ZNF81: variants seen among roughly 807,000 people sequenced by gnomAD.
The protein encoded by ZNF81 is zinc finger protein 81, also known as zinc finger protein 81 (HFZ20).
Under a neutral mutation model 32.3 loss-of-function variants are expected in ZNF81, and 5 were observed. That is an observed-to-expected ratio of 0.15 (90% CI 0.08 to 0.33). The LOEUF is 0.33. Ranked by LOEUF, ZNF81 falls within the 10% of genes least tolerant of loss-of-function variation. The pLI, the probability that ZNF81 is intolerant of heterozygous loss-of-function variation, is 1.00. For synonymous variants in ZNF81, 163 were observed against 166.8 expected, an observed-to-expected ratio of 0.98 and a Z score of 0.17; for missense variants, 379 against 479.8, an observed-to-expected ratio of 0.79 and a Z score of 1.96.
chrX:47,838,822 T>C (rs1344751877), intron 1 of ZNF81, among the ~76,000 whole-genome samples: 2 of 112,155 alleles, frequency 1.8e-5, no homozygotes, highest in South Asian at 7.4e-4. Flanking sequence ...GCTCTCACTC[T>C]GTTCCTCAGG....
chrX:47,911,810 T>A (rs1369446048), intron 4 of ZNF81, among the ~76,000 whole-genome samples: 2 of 111,910 alleles, frequency 1.8e-5, no homozygotes, highest in Non-Finnish European at 3.8e-5. Flanking sequence ...GCAATATAAT[T>A]AGATTAGTTT....
intron 2 of ZNF81, 66 bp downstream of exon 2, chrX:47,846,387 C>A: frequency 8.8e-7 from 1 of 1,135,141 alleles, no homozygotes; most frequent in East Asian, 3.1e-5. Flanking sequence ...AAGATACTAC[C>A]TCATAGTTTT....
intron 2 of ZNF81, among the ~76,000 whole-genome samples, chrX:47,847,213 AG>A (rs1396617449): frequency 3.6e-5 from 4 of 111,719 alleles, no homozygotes; most frequent in Non-Finnish European, 7.5e-5. Flanking sequence ...CTCATGAAGT[AG>A]GTGCCATTAT....
intron 4 of ZNF81, among the ~76,000 whole-genome samples, chrX:47,910,041 C>T (rs1456664791): frequency 1.8e-5 from 2 of 111,194 alleles, no homozygotes; most frequent in African/African-American, 6.6e-5. Context: ...CAAGTCTTTG[C>T]TATTGTGAAT....
chrX:47,882,766 G>A (rs979977957), intron 2 of ZNF81, among the ~76,000 whole-genome samples: 41 of 112,796 alleles, frequency 3.6e-4, no homozygotes, highest in African/African-American at 1.2e-3. Flanking sequence ...TGAGGTGGGC[G>A]GATCACTTGA....
Position 47,917,262 on chromosome X carries a change from A to G in ZNF81, c.*630A>G, listed in dbSNP as rs782306405. The G allele has an allele frequency of 4.1e-4, 120 of 295,830 alleles. No individual in the cohort carries two copies. In the East Asian group the frequency reaches 5.7e-3, roughly 14 times the overall value. 24.4% of individuals were successfully genotyped at this position (295,830 alleles called of 1,213,427 possible). A position where few individuals can be genotyped will look rare whatever the true frequency, so the allele number is the denominator to read the frequency against. On this transcript the variant is annotated 3_prime_UTR_variant, in exon 5 of 5. Coordinates refer to ENST00000338637, the MANE Select transcript of ZNF81 (RefSeq NM_007137.5). ...AAAGTCACTTTGGTTTTATATATACACACATCTGCAGATATAATTTTATAA... is the reference window on the plus strand; with the variant it reads ...AAAGTCACTTTGGTTTTATATATACGCACATCTGCAGATATAATTTTATAA...
intron 1 of ZNF81, among the ~76,000 whole-genome samples, chrX:47,837,217 A>G: frequency 9.0e-6 from 1 of 111,543 alleles, no homozygotes; most frequent in East Asian, 2.8e-4. Flanking sequence ...GAGTTATTCA[A>G]AAGTGGGGTT....
intron 2 of ZNF81, among the ~76,000 whole-genome samples, chrX:47,880,429 G>A (rs1215347442): frequency 8.9e-6 from 1 of 111,853 alleles, no homozygotes; most frequent in Non-Finnish European, 1.9e-5. Context: ...GCCCAGGCTG[G>A]TCTCAAATGC....
chrX:47,884,593 C>T (rs1019743499), intron 2 of ZNF81, among the ~76,000 whole-genome samples: 1 of 111,849 alleles, frequency 8.9e-6, no homozygotes, highest in Non-Finnish European at 1.9e-5. Flanking sequence ...GAGTGATTTG[C>T]TATGCATCAA....
In ZNF81 at chrX:47,874,922, G is replaced by A. The variant is rs141271065; in HGVS notation, c.55-13077G>A. 2.6e-3 allele frequency among the ~76,000 whole-genome samples: 295 copies of A among 111,677 alleles called. 1 individual carries two copies. The highest frequency in any genetic ancestry group is 8.8e-3 in the African/African-American group (269 of 30,660). On this transcript the variant is annotated intron_variant, in intron 2 of 4. Transcript: ENST00000338637. Reference sequence around the variant, plus strand: ...CTGTTGGAGGTGCAATCTAGGCTAAGCATGAAATGGAATCAGGGCACACAA... The same window carrying A: ...CTGTTGGAGGTGCAATCTAGGCTAAACATGAAATGGAATCAGGGCACACAA...
At chrX:47,856,489 A>G (rs5906495) in intron 2 of ZNF81, among the ~76,000 whole-genome samples, 44,579 of 110,564 alleles carry the variant, frequency 0.4, 7,150 homozygotes, top group East Asian at 0.63. Flanking sequence ...AAAGGAAACC[A>G]AAAGAAATAT....
At position 47,921,918 on chromosome X, in the gene ZNF81, T is replaced by C. The variant is rs781972929; in HGVS notation, c.*5286T>C. ...ATACGAATTCCTGACCCATAGAAAC[T>C]GCAAGACAATAAATGTTGTTTTAAG... On this transcript the variant is annotated 3_prime_UTR_variant, in exon 5 of 5. Coordinates refer to ENST00000338637, the MANE Select transcript of ZNF81 (RefSeq NM_007137.5). 2.7e-5 allele frequency: 3 copies of C among 111,578 alleles called. No homozygotes were observed. The highest frequency in any genetic ancestry group is 5.6e-5 in the Non-Finnish European group (3 of 53,116). 9.2% of individuals were successfully genotyped at this position (111,578 alleles called of 1,213,427 possible).
intron 1 of ZNF81, chrX:47,842,757 C>T (rs1337700637): frequency 9.0e-6 from 1 of 111,186 alleles, no homozygotes; most frequent in Admixed American, 9.6e-5. Flanking sequence ...TCCCGAGTAG[C>T]TGGAATTACA....
chrX:47,919,624 C>T lies in ZNF81; in HGVS notation c.*2992C>T, dbSNP rs1024987701. On this transcript the variant is annotated 3_prime_UTR_variant, in exon 5 of 5. Coordinates refer to ENST00000338637, the MANE Select transcript of ZNF81 (RefSeq NM_007137.5). ...ATCTAGCAAGGTTAGGTCTTGGTGACGGCCCTCTTCAAGGTTGCAAACTGC... is the reference window on the plus strand; with the variant it reads ...ATCTAGCAAGGTTAGGTCTTGGTGATGGCCCTCTTCAAGGTTGCAAACTGC... 4.4e-5 allele frequency: 5 copies of T among 113,559 alleles called. No homozygotes were observed. The highest frequency in any genetic ancestry group is 1.3e-4 in the African/African-American group (4 of 30,408). 9.4% of individuals were successfully genotyped at this position (113,559 alleles called of 1,213,427 possible). A position where few individuals can be genotyped will look rare whatever the true frequency, so the allele number is the denominator to read the frequency against.
At chrX:47,874,983 AAC>A (rs1372325411) in intron 2 of ZNF81, among the ~76,000 whole-genome samples, 1 of 110,703 alleles carries the variant, frequency 9.0e-6, no homozygotes, top group Non-Finnish European at 1.9e-5. Context: ...TGCTGGTGAA[AAC>A]AGTTGGGCTT....
Position 47,917,808 on chromosome X carries a change from C to T in ZNF81, c.*1176C>T, listed in dbSNP as rs1368145954. ...TGAGTTTTGGGGTTAGTTTGTTGTACAGAAAATGCTAAGTAATATTTGAAA... is the reference window on the plus strand; with the variant it reads ...TGAGTTTTGGGGTTAGTTTGTTGTATAGAAAATGCTAAGTAATATTTGAAA... On this transcript the variant is annotated 3_prime_UTR_variant, in exon 5 of 5. Transcript: ENST00000338637. The T allele has an allele frequency of 8.0e-5, 9 of 111,889 alleles. No homozygotes were observed. Among genetic ancestry groups the T allele is most frequent in the Non-Finnish European group, 1.5e-4 (8 of 53,481 alleles). 9.2% of individuals were successfully genotyped at this position (111,889 alleles called of 1,213,427 possible). A position where few individuals can be genotyped will look rare whatever the true frequency, so the allele number is the denominator to read the frequency against.
At chrX:47,873,907 A>G (rs2058589976) in intron 2 of ZNF81, among the ~76,000 whole-genome samples, 1 of 111,598 alleles carries the variant, frequency 9.0e-6, no homozygotes, top group South Asian at 3.7e-4. Context: ...GCCTCAAGCA[A>G]TCTGCCCATC....
intron 3 of ZNF81, 54 bp downstream of exon 3, chrX:47,888,179 G>GC: frequency 8.5e-7 from 1 of 1,178,920 alleles, no homozygotes; most frequent in East Asian, 3.1e-5. Flanking sequence ...GTTAAATTGT[G>GC]CCCCCAAATA....
At chrX:47,862,387 G>A (rs1168809901) in intron 2 of ZNF81, among the ~76,000 whole-genome samples, 1 of 109,695 alleles carries the variant, frequency 9.1e-6, no homozygotes, top group Non-Finnish European at 1.9e-5. Flanking sequence ...GCCGGGCGTG[G>A]TGGCAGGTGC....
Sources: allele counts gnomAD v4.1 joint callset (sites outside exome capture counted in the v4.1 genomes callset), GRCh38; gene constraint gnomAD v4.1.1; transcripts MANE v1.5; gene names NCBI Gene and HGNC (gene_info 2026-07-23, HGNC 2026-07-21).